The following SOS1 variants were observed in gnomAD, a reference collection of about 807,000 sequenced individuals.
SOS1 encodes the protein SOS Ras/Rac guanine nucleotide exchange factor 1.
SOS1 carries 25 observed loss-of-function variants against 157.6 expected under a neutral mutation model. The ratio of observed to expected loss-of-function variants is 0.16; its 90% CI spans 0.12 to 0.22. The LOEUF (loss-of-function observed/expected upper bound fraction) is 0.22. SOS1 is among the 10% of genes least tolerant of loss of function. SOS1 has a pLI of 1.00. For synonymous variants in SOS1, 528 were observed against 534.0 expected (o/e 0.99, Z 0.16); for missense variants, 1,237 against 1,599.1 (o/e 0.77, Z 3.86).
chr2:39,063,677 G>A (rs905558891), intron 2 of SOS1, among the ~76,000 whole-genome samples: 7 of 152,098 alleles, frequency 4.6e-5, no homozygotes, highest in African/African-American at 1.7e-4. Flanking sequence ...CTGTTTTCAA[G>A]TACTTTTGAA....
intron 1 of SOS1, among the ~76,000 whole-genome samples, chr2:39,072,446 G>A (rs1286008795): frequency 6.6e-6 from 1 of 152,180 alleles, no homozygotes; most frequent in African/African-American, 2.4e-5. Context: ...GTTGATTTCA[G>A]GAGCATAAGC....
At position 38,985,156 on chromosome 2, in the gene SOS1, G is replaced by T. The variant is rs528557155; in HGVS notation, c.*668C>A. 5 of 152,564 alleles carry T rather than the reference G, an allele frequency of 3.3e-5. No homozygotes were observed. The highest frequency in any genetic ancestry group is 5.9e-5 in the Non-Finnish European group (4 of 68,320). The allele number at this position is 152,564 out of a possible 1,614,324, so 9.5% of individuals were successfully genotyped here. A position where few individuals can be genotyped will look rare whatever the true frequency, so the allele number is the denominator to read the frequency against. On this transcript the variant is annotated 3_prime_UTR_variant, in exon 23 of 23. Transcript: ENST00000402219. ...TTTGTTTGGGTGTGTGGGGACAGGTGGGGGGAATGCTCTTAAAATTGGTAC... is the reference window on the plus strand; with the variant it reads ...TTTGTTTGGGTGTGTGGGGACAGGTTGGGGGAATGCTCTTAAAATTGGTAC...
rs1018056568 is a variant in SOS1 at position 39,104,018 on chromosome 2, G to A, written c.87+16318C>T. On this transcript the variant is annotated intron_variant, in intron 1 of 22. Transcript: ENST00000402219. ...CAATGGTCCAGGCGCAGTGGCTCAC[G>A]CCTGTAATCCCAGCACTTTGGAAAG... 4.6e-5 allele frequency among the ~76,000 whole-genome samples: 7 copies of A among 152,126 alleles called. No homozygotes were observed. In the East Asian group the frequency reaches 1.3e-3, roughly 29 times the overall value.
At chr2:38,990,464 A>C (rs1288182211) in intron 20 of SOS1, among the ~76,000 whole-genome samples, 1 of 152,132 alleles carries the variant, frequency 6.6e-6, no homozygotes, top group East Asian at 1.9e-4. Flanking sequence ...TTTCTTCCCT[A>C]TTAGCCACCT....
chr2:39,023,310 T>TCTAC, intron 9 of SOS1, 85 bp from the exon 10 acceptor site: 5 of 952,114 alleles, frequency 5.3e-6, no homozygotes, highest in Non-Finnish European at 8.1e-6. Flanking sequence ...TAAAAGTAGA[T>TCTAC]TTTTACAAGT....
chr2:39,015,802 CTTT>C (rs1054843148), intron 10 of SOS1, among the ~76,000 whole-genome samples: 3 of 87,408 alleles, frequency 3.4e-5, no homozygotes, highest in Non-Finnish European at 2.2e-5. Context: ...AATTGTAAAT[CTTT>C]TTTTTTTTTT....
intron 1 of SOS1, among the ~76,000 whole-genome samples, chr2:39,078,918 GAT>G: frequency 6.6e-6 from 1 of 152,002 alleles, no homozygotes; most frequent in African/African-American, 2.4e-5. Context: ...AAATTAGCCA[GAT>G]GCGGTGGCAT....
intron 1 of SOS1, among the ~76,000 whole-genome samples, chr2:39,109,867 T>C (rs1032873656): frequency 1.3e-5 from 2 of 152,216 alleles, no homozygotes; most frequent in Admixed American, 1.3e-4. Flanking sequence ...AAGATTAACA[T>C]TCAAAAAGAT....
At chr2:39,090,969 A>G (rs1672571680) in intron 1 of SOS1, among the ~76,000 whole-genome samples, 1 of 152,034 alleles carries the variant, frequency 6.6e-6, no homozygotes, top group African/African-American at 2.4e-5. Context: ...CCTGGGTTCA[A>G]GCGATTCTCC....
At chr2:39,081,716 T>C (rs373334300) in intron 1 of SOS1, among the ~76,000 whole-genome samples, 7 of 152,070 alleles carry the variant, frequency 4.6e-5, no homozygotes, top group East Asian at 1.9e-4. Flanking sequence ...TCCCAGCTAC[T>C]TGGAAGGCTG....
Position 39,006,503 on chromosome 2 carries a change from A to T in SOS1, c.2700T>A (p.Ile900=), listed in dbSNP as rs2124501928. Residue 900 remains isoleucine (I), a synonymous_variant, in exon 17 of 23, where the codon ATT becomes ATA. Transcript: ENST00000402219. The stretch of plus-strand genomic sequence containing the variant: ...CACTCAATTCATGAGCTTCTTCTAA[A>T]ATTTTCTTCTGGCGACTTGGTATTT... ...FEQIPSRQKK[I]LEEAHELSED... 1 of 1,607,586 alleles carries T rather than the reference A, an allele frequency of 6.2e-7. No individual in the cohort carries two copies. Among genetic ancestry groups the T allele is most frequent in the East Asian group, 2.2e-5 (1 of 44,714 alleles).
At chr2:39,097,477 GT>G (rs1672812182) in intron 1 of SOS1, among the ~76,000 whole-genome samples, 2 of 152,080 alleles carry the variant, frequency 1.3e-5, no homozygotes, top group South Asian at 4.1e-4. Context: ...AGCAAAGAAT[GT>G]TTTAACAAGC....
intron 1 of SOS1, among the ~76,000 whole-genome samples, chr2:39,116,047 G>A (rs1673638435): frequency 6.6e-6 from 1 of 152,106 alleles, no homozygotes; most frequent in Non-Finnish European, 1.5e-5. Context: ...GAAAACAGCT[G>A]CCATGAACAT....
At chr2:39,110,013 G>C (rs1461869707) in intron 1 of SOS1, among the ~76,000 whole-genome samples, 1 of 146,946 alleles carries the variant, frequency 6.8e-6, no homozygotes, top group Non-Finnish European at 1.5e-5. Flanking sequence ...AACTGACAGA[G>C]ATACAGATAC....
chr2:39,057,221 T>C (rs1671242695), intron 3 of SOS1, among the ~76,000 whole-genome samples: 1 of 152,164 alleles, frequency 6.6e-6, no homozygotes, highest in Non-Finnish European at 1.5e-5. Context: ...AAACAAGTTT[T>C]TTCTTTTACA....
intron 1 of SOS1, among the ~76,000 whole-genome samples, chr2:39,119,564 T>G (rs540545936): frequency 2.0e-5 from 3 of 152,126 alleles, no homozygotes; most frequent in Admixed American, 2.0e-4. Flanking sequence ...AAAACAAAAA[T>G]AGTCTGGTTG....
At chr2:39,041,837 TCTC>T (rs1479596162) in intron 6 of SOS1, among the ~76,000 whole-genome samples, 5 of 152,338 alleles carry the variant, frequency 3.3e-5, no homozygotes, top group Admixed American at 1.3e-4. Flanking sequence ...ATAAATATGT[TCTC>T]CTATATTTTC....
chr2:39,065,247 T>C (rs1028271136), intron 2 of SOS1, among the ~76,000 whole-genome samples: 1 of 152,182 alleles, frequency 6.6e-6, no homozygotes, highest in Admixed American at 6.5e-5. Flanking sequence ...GATAAAAGAA[T>C]GTAAGACACC....
intron 5 of SOS1, among the ~76,000 whole-genome samples, chr2:39,053,722 A>C (rs1171169336): frequency 6.6e-6 from 1 of 152,040 alleles, no homozygotes. Context: ...GTTCTCATTC[A>C]ACATTTCTTC....
Sources: gnomAD v4.1 joint callset for allele counts (sites outside exome capture counted in the v4.1 genomes callset) on GRCh38, gnomAD v4.1.1 for gene constraint, MANE v1.5 for transcripts, NCBI Gene and HGNC (gene_info 2026-07-23, HGNC 2026-07-21) for gene names.